The following CYB5B variants were observed in gnomAD, a reference collection of about 807,000 sequenced individuals.
The protein encoded by CYB5B is cytochrome b5 type B (outer mitochondrial membrane).
Under a neutral mutation model 21.3 loss-of-function variants are expected in CYB5B, and 14 were observed. The observed-to-expected ratio is 0.66, with a 90% CI of 0.43 to 1.03. CYB5B has a LOEUF of 1.03. CYB5B is among the 50% of genes least tolerant of loss of function. The pLI, the probability that CYB5B is intolerant of heterozygous loss-of-function variation, is 0.00. For synonymous variants in CYB5B, 69 were observed against 68.4 expected (o/e 1.01, Z -0.04); for missense variants, 166 against 185.1 (o/e 0.90, Z 0.60).
intron 1 of CYB5B, among the ~76,000 whole-genome samples, chr16:69,428,353 T>C (rs2014670342): frequency 6.6e-6 from 1 of 151,918 alleles, no homozygotes; most frequent in African/African-American, 2.4e-5. Flanking sequence ...TAGTGGTAAG[T>C]GCTAAGAAGA....
intron 3 of CYB5B, among the ~76,000 whole-genome samples, chr16:69,456,651 C>A (rs12443696): frequency 0.35 from 53,295 of 151,998 alleles, 10,479 homozygotes; most frequent in Admixed American, 0.46. Context: ...ATGGACATAA[C>A]CAGCTAGATA....
At chr16:69,424,918 T>C (rs1200405833) in intron 1 of CYB5B, 61 bp downstream of exon 1, 1 of 1,445,128 alleles carries the variant, frequency 6.9e-7, no homozygotes, top group African/African-American at 1.5e-5. Flanking sequence ...AAAGGCTGTG[T>C]GGAGTGTATG....
At chr16:69,446,470 C>CCCA (rs1264839032) in intron 1 of CYB5B, among the ~76,000 whole-genome samples, 1 of 152,074 alleles carries the variant, frequency 6.6e-6, no homozygotes, top group Non-Finnish European at 1.5e-5. Context: ...ACTGCAGGCA[C>CCCA]CCACCACCAC....
chr16:69,429,225 A>G lies in CYB5B; in HGVS notation c.174+4368A>G, dbSNP rs534017992. Among the ~76,000 whole-genome samples the G allele has an allele frequency of 6.6e-5, 10 of 152,192 alleles. No homozygotes were observed. The East Asian group carries it at 1.7e-3, about 26-fold the overall frequency. On this transcript the variant is annotated intron_variant, in intron 1 of 4. Transcript: ENST00000307892. ...TCTTAAAGGTGGCACAGACCCAAAG[A>G]GTGAGTAGCAGCAAGATTTATTGTG...
intron 1 of CYB5B, among the ~76,000 whole-genome samples, chr16:69,428,130 A>T (rs1470467199): frequency 2.0e-5 from 3 of 152,074 alleles, no homozygotes; most frequent in African/African-American, 7.2e-5. Context: ...CAGCCTAATT[A>T]GCTATTCTTA....
intron 3 of CYB5B, among the ~76,000 whole-genome samples, chr16:69,453,671 G>A (rs1464573361): frequency 6.6e-6 from 1 of 152,106 alleles, no homozygotes; most frequent in Non-Finnish European, 1.5e-5. Flanking sequence ...TTCTCCTCCT[G>A]CCTCAGCCTT....
intron 1 of CYB5B, among the ~76,000 whole-genome samples, chr16:69,440,161 C>T (rs2014805585): frequency 6.6e-6 from 1 of 152,220 alleles, no homozygotes; most frequent in African/African-American, 2.4e-5. Flanking sequence ...AGGCCTCAGC[C>T]ACTGCACCTG....
chr16:69,431,964 A>T (rs1196976278), intron 1 of CYB5B, among the ~76,000 whole-genome samples: 1 of 152,234 alleles, frequency 6.6e-6, no homozygotes, highest in Non-Finnish European at 1.5e-5. Flanking sequence ...CTGTGAGAAG[A>T]TAACATTTAA....
At chr16:69,458,313 C>G (rs951191000) in intron 3 of CYB5B, among the ~76,000 whole-genome samples, 4 of 152,282 alleles carry the variant, frequency 2.6e-5, no homozygotes, top group African/African-American at 9.6e-5. Context: ...TCGTCCTCCT[C>G]ACACCAGCCC....
At chr16:69,440,595 G>A (rs927299107) in intron 1 of CYB5B, among the ~76,000 whole-genome samples, 16 of 152,140 alleles carry the variant, frequency 1.1e-4, no homozygotes, top group Admixed American at 2.0e-4. Flanking sequence ...CTCATGTGTT[G>A]TGTATGTGGC....
chr16:69,433,431 T>C (rs543541101), intron 1 of CYB5B, among the ~76,000 whole-genome samples: 5 of 152,334 alleles, frequency 3.3e-5, no homozygotes, highest in Non-Finnish European at 7.3e-5. Context: ...TTTCTCTTTT[T>C]TTACACAAAA....
intron 4 of CYB5B, among the ~76,000 whole-genome samples, chr16:69,461,626 G>A (rs899137487): frequency 6.6e-6 from 1 of 152,162 alleles, no homozygotes; most frequent in Non-Finnish European, 1.5e-5. Flanking sequence ...GTGCTAATAA[G>A]TTCTATTAAA....
intron 1 of CYB5B, among the ~76,000 whole-genome samples, chr16:69,434,165 C>T (rs2014734958): frequency 1.3e-5 from 2 of 152,144 alleles, no homozygotes; most frequent in African/African-American, 2.4e-5. Flanking sequence ...TTCTTTTGCT[C>T]AGTATATCTG....
intron 1 of CYB5B, among the ~76,000 whole-genome samples, chr16:69,436,937 T>A (rs1220975773): frequency 4.6e-5 from 7 of 152,252 alleles, no homozygotes; most frequent in African/African-American, 1.7e-4. Flanking sequence ...ATAAGGAATT[T>A]GTCCTCTTCT....
intron 1 of CYB5B, among the ~76,000 whole-genome samples, chr16:69,426,512 C>A (rs1380301936): frequency 6.6e-6 from 1 of 151,602 alleles, no homozygotes; most frequent in African/African-American, 2.4e-5. Context: ...CCAGACCAGC[C>A]TGACCAACAT....
At chr16:69,445,933 G>A (rs2142819656) in intron 1 of CYB5B, among the ~76,000 whole-genome samples, 2 of 152,062 alleles carry the variant, frequency 1.3e-5, no homozygotes, top group Middle Eastern at 6.8e-3. Context: ...TTCAGCCTGG[G>A]CAACAAGAGC....
chr16:69,447,389 C>T, intron 2 of CYB5B, 111 bp downstream of exon 2: 2 of 1,417,486 alleles, frequency 1.4e-6, no homozygotes, highest in Non-Finnish European at 9.4e-7. Flanking sequence ...CACCTGTCAT[C>T]CCAGTACTTT....
chr16:69,425,525 C>A (rs2014635401), intron 1 of CYB5B, among the ~76,000 whole-genome samples: 2 of 151,864 alleles, frequency 1.3e-5, no homozygotes, highest in African/African-American at 4.8e-5. Context: ...ATTTTTGAGA[C>A]CATGGTGCAA....
intron 3 of CYB5B, 191 bp downstream of exon 3, chr16:69,448,335 G>C: frequency 1.6e-6 from 1 of 622,878 alleles, no homozygotes; most frequent in Non-Finnish European, 2.8e-6. Flanking sequence ...TTGAACAGTA[G>C]GAAACATTTT....
Sources: allele counts gnomAD v4.1 joint callset (sites outside exome capture counted in the v4.1 genomes callset), GRCh38; gene constraint gnomAD v4.1.1; transcripts MANE v1.5; gene names NCBI Gene and HGNC (gene_info 2026-07-23, HGNC 2026-07-21).